DTNB: variants seen among roughly 807,000 people sequenced by gnomAD.
DTNB encodes dystrobrevin beta.
Under a neutral mutation model 90.7 loss-of-function variants are expected in DTNB, and 63 were observed. The observed-to-expected ratio is 0.69, with a 90% CI of 0.57 to 0.86. The LOEUF is 0.86. Among genes scored for constraint, DTNB ranks in the 40% least tolerant of loss-of-function variants. DTNB has a pLI of 0.00. For missense variants in DTNB, 744 were observed against 807.1 expected (o/e 0.92, Z 0.95); for synonymous variants, 277 against 286.7 (o/e 0.97, Z 0.34).
chr2:25,653,841 A>T (rs2081530710), intron 1 of DTNB, among the ~76,000 whole-genome samples: 1 of 152,042 alleles, frequency 6.6e-6, no homozygotes, highest in Non-Finnish European at 1.5e-5. Flanking sequence ...AGACTCAGTG[A>T]CCTGGGACTG....
chr2:25,510,305 C>CT, intron 9 of DTNB, among the ~76,000 whole-genome samples: 1 of 151,468 alleles, frequency 6.6e-6, no homozygotes, highest in East Asian at 1.9e-4. Flanking sequence ...TTTCTCCATA[C>CT]TTTATACTTT....
intron 10 of DTNB, among the ~76,000 whole-genome samples, chr2:25,465,066 A>G (rs1039346306): frequency 6.6e-6 from 1 of 152,164 alleles, no homozygotes; most frequent in East Asian, 1.9e-4. Flanking sequence ...CCCAGGCAAC[A>G]TAAGTTAGCA....
At chr2:25,455,608 A>G in intron 10 of DTNB, 114 bp from the exon 11 acceptor site, 2 of 864,638 alleles carry the variant, frequency 2.3e-6, no homozygotes, top group East Asian at 2.8e-5. Context: ...ATAATAAATC[A>G]TGATAAGGAA....
At chr2:25,564,154 GCCT>G (rs2058668034) in intron 8 of DTNB, among the ~76,000 whole-genome samples, 1 of 152,010 alleles carries the variant, frequency 6.6e-6, no homozygotes, top group Non-Finnish European at 1.5e-5. Context: ...ACCTGCCTCA[GCCT>G]CCAAATTTGC....
intron 16 of DTNB, among the ~76,000 whole-genome samples, chr2:25,400,589 A>G (rs1294377455): frequency 1.3e-5 from 2 of 152,242 alleles, no homozygotes; most frequent in African/African-American, 4.8e-5. Context: ...GTCCAATGAT[A>G]GGCACAAAAG....
chr2:25,497,087 C>T (rs533915155), intron 9 of DTNB, among the ~76,000 whole-genome samples: 5 of 152,300 alleles, frequency 3.3e-5, no homozygotes, highest in African/African-American at 1.2e-4. Context: ...GGAAACAGAA[C>T]AATCACATGA....
At chr2:25,463,413 T>C (rs1019783621) in intron 10 of DTNB, among the ~76,000 whole-genome samples, 1 of 152,156 alleles carries the variant, frequency 6.6e-6, no homozygotes, top group Non-Finnish European at 1.5e-5. Flanking sequence ...ACTGCCCCAA[T>C]AGCCTCTTGA....
rs1226565008 is a variant in DTNB, at chr2:25,451,602, T to A, written c.1203A>T (p.Glu401Asp). Residue 401 changes from glutamate to aspartate, a missense_variant, in exon 12 of 21, where the codon GAA becomes GAT. Coordinates refer to ENST00000406818, the MANE Select transcript of DTNB (RefSeq NM_021907.5). ...CAGCATAGCGAGCTATAAGACGGTG[T>A]TCCTCATCCAGTCGGCTAGGACTGT... ...VLDSPSRLDE[E>D]HRLIARYAAR... The A allele has an allele frequency of 3.7e-6, 6 of 1,607,204 alleles. No individual in the cohort carries two copies. Among genetic ancestry groups the A allele is most frequent in the Non-Finnish European group, 5.1e-6 (6 of 1,176,804 alleles).
intron 8 of DTNB, among the ~76,000 whole-genome samples, chr2:25,553,741 C>CA (rs1184090329): frequency 0.043 from 1,663 of 38,264 alleles, 42 homozygotes; most frequent in East Asian, 0.13. Context: ...AACTCCTTCT[C>CA]AAAAAAAAAA....
intron 9 of DTNB, among the ~76,000 whole-genome samples, chr2:25,524,544 G>C (rs1338702316): frequency 6.6e-6 from 1 of 151,810 alleles, no homozygotes; most frequent in East Asian, 1.9e-4. Flanking sequence ...TGTAGAACAA[G>C]TTACTACAGC....
At chr2:25,556,885 C>T (rs1028654713) in intron 8 of DTNB, among the ~76,000 whole-genome samples, 57 of 152,208 alleles carry the variant, frequency 3.7e-4, no homozygotes, top group African/African-American at 1.4e-3. Context: ...AATAGTTTAA[C>T]ACTGTCATAG....
At position 25,653,490 on chromosome 2, in the gene DTNB, T is replaced by G. The variant is rs1408221667; in HGVS notation, c.-1-829A>C. The stretch of plus-strand genomic sequence containing the variant: ...CTGTTCAGAGCTTGCTTTCTTTCTT[T>G]CTTTCTTTCTTTCTTTCTTTCTTTC... On this transcript the variant is annotated intron_variant, in intron 1 of 20. Coordinates refer to ENST00000406818, the MANE Select transcript of DTNB (RefSeq NM_021907.5). Among the ~76,000 whole-genome samples, 389 of 119,412 alleles carry G rather than the reference T, an allele frequency of 3.3e-3. 3 individuals are homozygous for G. The highest frequency in any genetic ancestry group is 0.013 in the African/African-American group (352 of 27,940). 78.3% of individuals were successfully genotyped at this position (119,412 alleles called of 152,430 possible).
chr2:25,655,208 T>G (rs1165192488), intron 1 of DTNB, among the ~76,000 whole-genome samples: 1 of 152,238 alleles, frequency 6.6e-6, no homozygotes, highest in Non-Finnish European at 1.5e-5. Flanking sequence ...CCTGACAAGA[T>G]TCTTCTGAAC....
intron 8 of DTNB, among the ~76,000 whole-genome samples, chr2:25,542,188 C>T (rs1043274797): frequency 3.3e-5 from 5 of 152,194 alleles, no homozygotes; most frequent in East Asian, 1.9e-4. Context: ...GATCTTGGCT[C>T]GCTGCAACCT....
In DTNB at chr2:25,596,377, T is replaced by C. The variant is rs1295048874; in HGVS notation, c.449-137A>G. The C allele has an allele frequency of 7.7e-6, 8 of 1,036,298 alleles. 1 individual carries two copies. The allele number at this position is 1,036,298 out of a possible 1,614,324, so 64.2% of individuals were successfully genotyped here. Reference sequence around the variant, plus strand: ...AAATTATTGTGACTTTTAGTTAATATTAAAACTATTCTCATCCTTATTAAC... The same window carrying C: ...AAATTATTGTGACTTTTAGTTAATACTAAAACTATTCTCATCCTTATTAAC... On this transcript the variant is annotated intron_variant, in intron 5 of 20. Coordinates refer to ENST00000406818, the MANE Select transcript of DTNB (RefSeq NM_021907.5).
At chr2:25,664,071 C>CCCATAATA (rs1476808134) in intron 1 of DTNB, among the ~76,000 whole-genome samples, 2 of 152,114 alleles carry the variant, frequency 1.3e-5, no homozygotes, top group Admixed American at 1.3e-4. Flanking sequence ...ATAAGATTAG[C>CCCATAATA]CCATAATATC....
intron 8 of DTNB, among the ~76,000 whole-genome samples, chr2:25,538,553 G>A (rs1296260016): frequency 6.6e-6 from 1 of 152,186 alleles, no homozygotes; most frequent in African/African-American, 2.4e-5. Flanking sequence ...CTGGGTTCAA[G>A]TGATTTTCCT....
intron 6 of DTNB, among the ~76,000 whole-genome samples, chr2:25,584,824 T>C (rs1462414337): frequency 2.0e-5 from 3 of 152,238 alleles, no homozygotes; most frequent in Admixed American, 6.5e-5. Context: ...CCCAGAGTGA[T>C]GGGATTACAG....
chr2:25,508,355 A>G (rs2073008126), intron 9 of DTNB, among the ~76,000 whole-genome samples: 1 of 152,242 alleles, frequency 6.6e-6, no homozygotes, highest in African/African-American at 2.4e-5. Flanking sequence ...CATGATAATT[A>G]CTAACAATTT....
Sources: allele counts gnomAD v4.1 joint callset (sites outside exome capture counted in the v4.1 genomes callset), GRCh38; gene constraint gnomAD v4.1.1; transcripts MANE v1.5; gene names NCBI Gene and HGNC (gene_info 2026-07-23, HGNC 2026-07-21).